The following HSPA4 variants were observed in gnomAD, a reference collection of about 807,000 sequenced individuals.
HSPA4 encodes the protein heat shock 70 kDa protein 4.
In HSPA4, 25 loss-of-function variants were observed where a neutral mutation model predicts 106.2. The observed-to-expected ratio is 0.24, with a 90% CI of 0.17 to 0.33. The LOEUF is 0.33. HSPA4 is among the 10% of genes least tolerant of loss of function. The pLI is 1.00. For missense variants in HSPA4, 841 were observed against 996.0 expected, an observed-to-expected ratio of 0.84 and a Z score of 2.10; for synonymous variants, 332 against 333.6, an observed-to-expected ratio of 1.00 and a Z score of 0.05.
intron 4 of HSPA4, among the ~76,000 whole-genome samples, chr5:133,072,571 T>A (rs1469645423): frequency 6.6e-6 from 1 of 151,184 alleles, no homozygotes; most frequent in African/African-American, 2.4e-5. Flanking sequence ...TATTTTTTTT[T>A]TTTTTTTGTA....
At chr5:133,104,158 C>T (rs994129002) in intron 18 of HSPA4, 75 bp from the exon 19 acceptor site, 26 of 1,486,008 alleles carry the variant, frequency 1.7e-5, no homozygotes, top group Middle Eastern at 1.8e-4. Flanking sequence ...TGGGAGAGGG[C>T]GGATTTGGGT....
intron 7 of HSPA4, among the ~76,000 whole-genome samples, chr5:133,077,141 T>C (rs940009059): frequency 3.9e-5 from 6 of 152,234 alleles, no homozygotes; most frequent in Admixed American, 2.6e-4. Flanking sequence ...TCTTTACATA[T>C]GCATTTGTTA....
At chr5:133,089,271 T>C (rs78225557) in intron 10 of HSPA4, 110 bp downstream of exon 10, 9,509 of 655,586 alleles carry the variant, frequency 0.015, 96 homozygotes, top group South Asian at 0.029. Flanking sequence ...TTTATCATAG[T>C]GCATGAAGGA....
chr5:133,092,725 C>G lies in HSPA4; in HGVS notation c.1586C>G (p.Pro529Arg). The G allele has an allele frequency of 3.1e-6, 5 of 1,608,864 alleles. No homozygotes were observed. The highest frequency in any genetic ancestry group is 3.4e-6 in the Non-Finnish European group (4 of 1,177,598). ...EEKMQVDQEE[P>R]HVEEQQQQTP... ...AAGATGCAAGTGGACCAGGAGGAAC[C>G]ACATGTTGAAGAGCAACAGCAGCAG... The change falls in exon 13 of 19, where the codon CCA (proline) becomes CGA (arginine). Residue 529 changes from proline to arginine, a missense_variant. Pro to Arg is a moderately radical substitution (Grantham distance 103). Transcript: ENST00000304858.
intron 3 of HSPA4, among the ~76,000 whole-genome samples, chr5:133,070,149 TGACA>T (rs1262001703): frequency 6.6e-6 from 1 of 151,470 alleles, no homozygotes; most frequent in Non-Finnish European, 1.5e-5. Flanking sequence ...AGAGAGAGAA[TGACA>T]GAGAGAGAGA....
At position 133,105,789 on chromosome 5, in the gene HSPA4, GT is replaced by G. The variant is rs1765849847; in HGVS notation, c.*1356del. The G allele has an allele frequency of 2.0e-5, 3 of 152,124 alleles. No individual in the cohort carries two copies. In the South Asian group the frequency reaches 6.2e-4, roughly 32 times the overall value. 9.4% of individuals were successfully genotyped at this position (152,124 alleles called of 1,614,324 possible). On this transcript the variant is annotated 3_prime_UTR_variant, in exon 19 of 19. Coordinates refer to ENST00000304858, the MANE Select transcript of HSPA4 (RefSeq NM_002154.4). ...CTATCTTGCATAGTTAGAATTAAGC[GT>G]TTGTCCATCTCTAGATAACATTGAA...
Position 133,055,618 on chromosome 5 carries a change from A to C in HSPA4, c.107+3261A>C, listed in dbSNP as rs571814081. 2.6e-5 allele frequency among the ~76,000 whole-genome samples: 4 copies of C among 152,138 alleles called. No homozygotes were observed. The East Asian group carries it at 5.8e-4, about 22-fold the overall frequency. The stretch of plus-strand genomic sequence containing the variant: ...TGATGTGGTAGCCATTTTTCTAAGC[A>C]CTGGAGGTACTGTGGTGAACAAATA... On this transcript the variant is annotated intron_variant, in intron 1 of 18. Coordinates refer to ENST00000304858, the MANE Select transcript of HSPA4 (RefSeq NM_002154.4).
chr5:133,067,522 A>G lies in HSPA4; in HGVS notation c.271A>G (p.Ile91Val). Residue 91 changes from isoleucine to valine, a missense_variant, in exon 3 of 19, where the codon ATT becomes GTT. Around this residue, in one of 5 missense-constraint regions of HSPA4, gnomAD observed 347 missense variants for 408.7 expected, o/e 0.85. Coordinates refer to ENST00000304858, the MANE Select transcript of HSPA4 (RefSeq NM_002154.4). ...EAEKSNLAYDIVQLPTGLTGI... is the reference protein window; with the variant it reads ...EAEKSNLAYDVVQLPTGLTGI... ...AGAAAAATCTAACCTTGCATATGAT[A>G]TTGTGCAGTTGCCTACAGGATTAAC... 1 of 1,613,784 alleles carries G rather than the reference A, an allele frequency of 6.2e-7. No homozygotes were observed. Among genetic ancestry groups the G allele is most frequent in the Non-Finnish European group, 8.5e-7 (1 of 1,179,678 alleles).
At chr5:133,079,059 A>G (rs1765483189) in intron 7 of HSPA4, among the ~76,000 whole-genome samples, 2 of 152,070 alleles carry the variant, frequency 1.3e-5, no homozygotes, top group South Asian at 4.1e-4. Flanking sequence ...TTTAACATTC[A>G]CCTTTGTTTA....
At chr5:133,065,088 GT>G in intron 2 of HSPA4, 51 bp downstream of exon 2, 1 of 1,502,228 alleles carries the variant, frequency 6.7e-7, no homozygotes, top group Non-Finnish European at 9.3e-7. Context: ...CTTCATCCAT[GT>G]GTTCAGCAAG....
In HSPA4 at chr5:133,052,343, C is replaced by A. The variant is rs867766032; in HGVS notation, c.93C>A (p.Ser31Arg). 2 of 1,564,030 alleles carry A rather than the reference C, an allele frequency of 1.3e-6. No individual in the cohort carries two copies. Among genetic ancestry groups the A allele is most frequent in the Non-Finnish European group, 8.6e-7 (1 of 1,157,210 alleles). ...TCGAGACTATCGCTAATGAGTATAG[C>A]GACCGCTGCACGCCGTAAGTGTGGG... ...GGIETIANEY[S>R]DRCTPACISF... Residue 31 changes from serine to arginine, a missense_variant, in exon 1 of 19, where the codon AGC becomes AGA. Transcript: ENST00000304858.
At chr5:133,073,904 TCG>T in intron 5 of HSPA4, 87 bp from the exon 6 acceptor site, 1 of 787,588 alleles carries the variant, frequency 1.3e-6, no homozygotes, top group Non-Finnish European at 1.9e-6. Flanking sequence ...GTAGTTGCAT[TCG>T]TTATATATAA....
chr5:133,079,923 C>T (rs1475791067), intron 7 of HSPA4, among the ~76,000 whole-genome samples: 6 of 152,126 alleles, frequency 3.9e-5, no homozygotes, highest in Non-Finnish European at 1.5e-5. Flanking sequence ...GACAGTTTGC[C>T]ATGTTTATAC....
intron 15 of HSPA4, among the ~76,000 whole-genome samples, chr5:133,098,702 C>T (rs145260270): frequency 4.0e-5 from 6 of 150,230 alleles, no homozygotes; most frequent in African/African-American, 9.8e-5. Flanking sequence ...GATGGAGTTT[C>T]GGTCTTATTG....
chr5:133,071,920 G>T (rs1178669078), intron 4 of HSPA4, among the ~76,000 whole-genome samples: 2 of 152,146 alleles, frequency 1.3e-5, no homozygotes, highest in Non-Finnish European at 2.9e-5. Context: ...ACCAGATCCT[G>T]TATTTCTTAG....
At chr5:133,080,524 A>G (rs1333423639) in intron 7 of HSPA4, among the ~76,000 whole-genome samples, 1 of 149,642 alleles carries the variant, frequency 6.7e-6, no homozygotes, top group Non-Finnish European at 1.5e-5. Flanking sequence ...CCTTTTCATT[A>G]TATAGTTTGA....
chr5:133,057,722 GATTTGAATTAACTCCGTGCA>G (rs560978093), intron 1 of HSPA4, among the ~76,000 whole-genome samples: 19 of 152,280 alleles, frequency 1.2e-4, no homozygotes, highest in African/African-American at 4.6e-4. Flanking sequence ...TCTTAAACTT[GATTTGAATTAACTCCGTGCA>G]ATTTGGAATG....
At chr5:133,094,482 T>A (rs1443221563) in intron 13 of HSPA4, among the ~76,000 whole-genome samples, 1 of 152,202 alleles carries the variant, frequency 6.6e-6, no homozygotes, top group Non-Finnish European at 1.5e-5. Flanking sequence ...CAGGAAATGG[T>A]GCTTACAGAT....
At chr5:133,089,749 C>T (rs552749432) in intron 11 of HSPA4, 54 bp downstream of exon 11, 99 of 1,342,446 alleles carry the variant, frequency 7.4e-5, no homozygotes, top group Non-Finnish European at 9.7e-5. Flanking sequence ...CACAGTGGCT[C>T]ACAACTGTAA....
Sources: allele counts gnomAD v4.1 joint callset (sites outside exome capture counted in the v4.1 genomes callset), GRCh38; gene constraint gnomAD v4.1.1; regional missense constraint gnomAD v4.1.1; transcripts MANE v1.5; gene names NCBI Gene and HGNC (gene_info 2026-07-23, HGNC 2026-07-21).